The following TTC39C variants were observed in gnomAD, a reference collection of about 807,000 sequenced individuals.
The protein encoded by TTC39C is tetratricopeptide repeat domain 39C.
Under a neutral mutation model 76.3 loss-of-function variants are expected in TTC39C, and 33 were observed. The ratio of observed to expected loss-of-function variants is 0.43; its 90% CI spans 0.33 to 0.58. The LOEUF is 0.58. Ranked by LOEUF, TTC39C falls within the 20% of genes least tolerant of loss-of-function variation. The pLI, the probability that TTC39C is intolerant of heterozygous loss-of-function variation, is 0.04. For missense variants in TTC39C, 595 were observed against 701.4 expected (o/e 0.85, Z 1.71); for synonymous variants, 254 against 260.6 (o/e 0.97, Z 0.24).
intron 1 of TTC39C, among the ~76,000 whole-genome samples, chr18:24,046,876 G>GA (rs1335054471): frequency 6.6e-6 from 1 of 151,562 alleles, no homozygotes; most frequent in Admixed American, 6.6e-5. Context: ...TGCTTCCACA[G>GA]AAAAAATACA....
chr18:24,069,076 G>T, intron 3 of TTC39C, 81 bp from the exon 4 acceptor site: 1 of 1,178,560 alleles, frequency 8.5e-7, no homozygotes, highest in Non-Finnish European at 1.3e-6. Flanking sequence ...AAATTATCTT[G>T]TACAATAACC....
chr18:24,055,356 T>A (rs1599279871), intron 1 of TTC39C, among the ~76,000 whole-genome samples: 1 of 152,228 alleles, frequency 6.6e-6, no homozygotes, highest in Non-Finnish European at 1.5e-5. Flanking sequence ...CCACCAACGG[T>A]ATGCAAAGGT....
chr18:24,059,416 C>T (rs1048769463), intron 1 of TTC39C, among the ~76,000 whole-genome samples: 1 of 152,110 alleles, frequency 6.6e-6, no homozygotes, highest in African/African-American at 2.4e-5. Context: ...CTCTATGTGT[C>T]CATATGTTCT....
At chr18:24,026,035 A>G (rs1335824294) in intron 1 of TTC39C, among the ~76,000 whole-genome samples, 4 of 152,126 alleles carry the variant, frequency 2.6e-5, no homozygotes, top group Admixed American at 1.3e-4. Context: ...TCACACACAC[A>G]TTGCTTCTAG....
chr18:24,084,183 A>G (rs1306478887), intron 6 of TTC39C, among the ~76,000 whole-genome samples: 2 of 152,170 alleles, frequency 1.3e-5, no homozygotes, highest in Non-Finnish European at 2.9e-5. Flanking sequence ...TTATACTAGC[A>G]GTTGAAAATT....
intron 1 of TTC39C, among the ~76,000 whole-genome samples, chr18:24,020,537 A>G (rs1461896890): frequency 2.0e-5 from 3 of 152,198 alleles, no homozygotes; most frequent in African/African-American, 7.2e-5. Context: ...CCCAGCGGAT[A>G]CCAAAATCTG....
At chr18:24,025,726 G>C (rs141885200) in intron 1 of TTC39C, among the ~76,000 whole-genome samples, 3 of 152,294 alleles carry the variant, frequency 2.0e-5, no homozygotes, top group African/African-American at 7.2e-5. Context: ...TCTCCATTGA[G>C]AGGCGCTGAG....
intron 1 of TTC39C, among the ~76,000 whole-genome samples, chr18:24,057,603 T>C (rs1024504637): frequency 2.0e-5 from 3 of 152,250 alleles, no homozygotes; most frequent in Non-Finnish European, 4.4e-5. Context: ...CTCAATGTTA[T>C]TGCTTATGAG....
chr18:24,028,651 A>G (rs906399563), intron 1 of TTC39C, among the ~76,000 whole-genome samples: 1 of 152,206 alleles, frequency 6.6e-6, no homozygotes, highest in Non-Finnish European at 1.5e-5. Context: ...ATTATGAAGA[A>G]TGTTTCTAGC....
chr18:24,102,166 C>G (rs1326475696), intron 6 of TTC39C, among the ~76,000 whole-genome samples: 1 of 152,198 alleles, frequency 6.6e-6, no homozygotes, highest in Non-Finnish European at 1.5e-5. Flanking sequence ...AGAATCGTGT[C>G]TGAATTGTAA....
chr18:24,020,199 A>C, intron 1 of TTC39C: 1 of 1,129,642 alleles, frequency 8.9e-7, no homozygotes, highest in African/African-American at 1.6e-5. Flanking sequence ...ATCCTCTTCA[A>C]CTCAGTGGTG....
intron 6 of TTC39C, among the ~76,000 whole-genome samples, chr18:24,107,887 T>TGGG (rs757849820): frequency 4.2e-4 from 25 of 59,946 alleles, no homozygotes; most frequent in African/African-American, 1.2e-3. Context: ...GCCTCCCAAG[T>TGGG]AGGGGGGGGG....
chr18:24,005,690 A>T (rs1056357973), intron 1 of TTC39C, among the ~76,000 whole-genome samples: 1 of 151,866 alleles, frequency 6.6e-6, no homozygotes, highest in Non-Finnish European at 1.5e-5. Flanking sequence ...TAAAAAAAAA[A>T]AAAAATTAAA....
chr18:24,033,064 C>G lies in TTC39C; in HGVS notation c.167+18026C>G, dbSNP rs562103228. 1.1e-3 allele frequency among the ~76,000 whole-genome samples: 175 copies of G among 152,254 alleles called. 1 individual carries two copies. The highest frequency in any genetic ancestry group is 4.2e-3 in the Admixed American group (64 of 15,296). On this transcript the variant is annotated intron_variant, in intron 1 of 13. Transcript: ENST00000317571. ...GACCAGGAGTTTGAGACCAGCCTGG[C>G]CAACATGGCGAGAGCCTGTCTCTGC...
At chr18:24,069,061 A>T in intron 3 of TTC39C, 96 bp from the exon 4 acceptor site, 3 of 1,017,848 alleles carry the variant, frequency 2.9e-6, no homozygotes, top group Non-Finnish European at 4.5e-6. Context: ...CACAATTCGT[A>T]TGTGAAATTA....
At position 24,014,931 on chromosome 18, in the gene TTC39C, AGCGGCGGCG is replaced by A. The variant is rs772504894; in HGVS notation, c.67_75del (p.Ala23_Ala25del). The A allele has an allele frequency of 5.3e-6, 8 of 1,523,432 alleles. No homozygotes were observed. The highest frequency in any genetic ancestry group is 3.7e-5 in the South Asian group (3 of 81,094). The allele number at this position is 1,523,432 out of a possible 1,614,324, so 94.4% of individuals were successfully genotyped here. A position where few individuals can be genotyped will look rare whatever the true frequency, so the allele number is the denominator to read the frequency against. ...GGGACGACGGAGACTCGGACGCGGC[AGCGGCGGCG>A]GCGGCGCCCCTGCAGGACGCGGAGC... On this transcript the variant is annotated inframe_deletion, in exon 1 of 14. Coordinates refer to ENST00000317571, the MANE Select transcript of TTC39C (RefSeq NM_001135993.2).
chr18:24,113,219 T>C (rs2084839033), intron 6 of TTC39C: 1 of 231,696 alleles, frequency 4.3e-6, no homozygotes, highest in Non-Finnish European at 8.4e-6. Flanking sequence ...CTTTGGGGCA[T>C]GAACAGTTAT....
At chr18:24,019,890 A>T in intron 1 of TTC39C, 1 of 1,526,904 alleles carries the variant, frequency 6.5e-7, no homozygotes, top group Admixed American at 2.1e-5. Flanking sequence ...AGAAAACCTC[A>T]GCGCTTCCTG....
At chr18:24,021,875 A>T (rs2083521910) in intron 1 of TTC39C, among the ~76,000 whole-genome samples, 1 of 152,186 alleles carries the variant, frequency 6.6e-6, no homozygotes, top group African/African-American at 2.4e-5. Flanking sequence ...TCTCTTTAAA[A>T]AGTCTGTGTT....
Sources: gnomAD v4.1 joint callset for allele counts (sites outside exome capture counted in the v4.1 genomes callset) on GRCh38, gnomAD v4.1.1 for gene constraint, MANE v1.5 for transcripts, NCBI Gene and HGNC (gene_info 2026-07-23, HGNC 2026-07-21) for gene names.